PLCB1: variants seen among roughly 807,000 people sequenced by gnomAD.
The protein encoded by PLCB1 is phospholipase C beta 1, also known as 1-phosphatidylinositol 4,5-bisphosphate phosphodiesterase beta-1.
Under a neutral mutation model 161.8 loss-of-function variants are expected in PLCB1, and 46 were observed. The ratio of observed to expected loss-of-function variants is 0.28; its 90% CI spans 0.22 to 0.36. The LOEUF (loss-of-function observed/expected upper bound fraction) is 0.36, where lower values mean the gene tolerates loss of function less well. Among genes scored for constraint, PLCB1 ranks in the 10% least tolerant of loss-of-function variants. PLCB1 has a pLI of 1.00. For missense variants in PLCB1, 1,016 were observed against 1,472.5 expected (o/e 0.69, Z 5.07); for synonymous variants, 517 against 503.7 (o/e 1.03, Z -0.35).
At chr20:8,135,818 G>T (rs2122999341) in intron 1 of PLCB1, among the ~76,000 whole-genome samples, 1 of 152,302 alleles carries the variant, frequency 6.6e-6, no homozygotes, top group African/African-American at 2.4e-5. Context: ...AGCAGGCTCT[G>T]GTGGTAGGAG....
intron 2 of PLCB1, among the ~76,000 whole-genome samples, chr20:8,159,274 T>G (rs1448669097): frequency 6.6e-6 from 1 of 152,228 alleles, no homozygotes; most frequent in African/African-American, 2.4e-5. Flanking sequence ...GGCTTGGTGC[T>G]TGCACTTTCT....
chr20:8,813,134 A>C (rs955820463), intron 31 of PLCB1, among the ~76,000 whole-genome samples: 12 of 152,160 alleles, frequency 7.9e-5, no homozygotes, highest in Non-Finnish European at 7.4e-5. Context: ...GATGTTTGTA[A>C]TGAGGTGAAT....
intron 31 of PLCB1, among the ~76,000 whole-genome samples, chr20:8,811,609 G>C (rs1020447320): frequency 6.6e-5 from 10 of 152,284 alleles, no homozygotes; most frequent in African/African-American, 2.2e-4. Flanking sequence ...ATGTTAATGA[G>C]TATACAGCAT....
chr20:8,360,246 A>G (rs1986492881), intron 2 of PLCB1, among the ~76,000 whole-genome samples: 1 of 152,210 alleles, frequency 6.6e-6, no homozygotes. Context: ...TGAGTGAAGT[A>G]GCTCCAAGAA....
intron 2 of PLCB1, among the ~76,000 whole-genome samples, chr20:8,355,662 C>T (rs1207582641): frequency 1.3e-5 from 2 of 152,046 alleles, no homozygotes; most frequent in Non-Finnish European, 2.9e-5. Context: ...AGTTTGGTGG[C>T]GAATGAGCAA....
At chr20:8,861,159 T>C (rs1481413876) in intron 31 of PLCB1, among the ~76,000 whole-genome samples, 1 of 152,256 alleles carries the variant, frequency 6.6e-6, no homozygotes, top group Non-Finnish European at 1.5e-5. Context: ...AATCAGGTTA[T>C]ATGTCTTGAT....
intron 3 of PLCB1, among the ~76,000 whole-genome samples, chr20:8,441,940 A>G (rs1213536472): frequency 6.6e-6 from 1 of 152,222 alleles, no homozygotes; most frequent in South Asian, 2.1e-4. Context: ...AAAACAAGGA[A>G]TCCATTTTCA....
At chr20:8,645,997 G>A (rs1378058086) in intron 4 of PLCB1, 105 bp from the exon 5 acceptor site, 2 of 728,120 alleles carry the variant, frequency 2.7e-6, no homozygotes, top group Non-Finnish European at 2.4e-6. Context: ...AAAACCTTTG[G>A]CATGCACATT....
At chr20:8,807,650 A>G (rs535871881) in intron 31 of PLCB1, among the ~76,000 whole-genome samples, 1 of 151,934 alleles carries the variant, frequency 6.6e-6, no homozygotes, top group South Asian at 2.1e-4. Context: ...AAAAACACAG[A>G]TGCACCCTTT....
intron 3 of PLCB1, among the ~76,000 whole-genome samples, chr20:8,615,383 T>G (rs1988016033): frequency 6.6e-6 from 1 of 152,216 alleles, no homozygotes; most frequent in Non-Finnish European, 1.5e-5. Context: ...GATGCTTTTT[T>G]TGTTCCAAAT....
intron 2 of PLCB1, among the ~76,000 whole-genome samples, chr20:8,329,206 TAA>T (rs2122185414): frequency 6.6e-6 from 1 of 152,350 alleles, no homozygotes; most frequent in African/African-American, 2.4e-5. Context: ...AAAGATTTTT[TAA>T]AGTCTTATTT....
At chr20:8,518,229 G>A (rs1032180832) in intron 3 of PLCB1, among the ~76,000 whole-genome samples, 3 of 151,822 alleles carry the variant, frequency 2.0e-5, no homozygotes, top group Admixed American at 2.0e-4. Context: ...ATAGGTTCTC[G>A]CTCTGTCACC....
rs73591768 is a variant in PLCB1 at position 8,398,041 on chromosome 20, C to G, written c.246+26591C>G. Among the ~76,000 whole-genome samples, 491 of 152,056 alleles carry G rather than the reference C, an allele frequency of 3.2e-3. 6 individuals are homozygous for G. Among genetic ancestry groups the G allele is most frequent in the African/African-American group, 0.011 (473 of 41,482 alleles). On this transcript the variant is annotated intron_variant, in intron 3 of 31. Transcript: ENST00000338037. ...GTTTAGATTTTACCATTTTCTACCC[C>G]CCTTGCAGTGTATTACAGAATCTTT...
Position 8,657,192 on chromosome 20 carries a change from A to C in PLCB1, c.603A>C (p.Ser201=), listed in dbSNP as rs1387167288. The change falls in exon 8 of 32, where the codon TCA becomes TCC. Residue 201 remains serine, a synonymous_variant. Coordinates refer to ENST00000338037, the MANE Select transcript of PLCB1 (RefSeq NM_015192.4). ...GTTGTTTTATTTCCCAGAATGATTC[A>C]ATACCTCAAGAAGATTTCACTCCAG... ...ACSLPSSRND[S]IPQEDFTPEV... 1 of 1,595,894 alleles carries C rather than the reference A, an allele frequency of 6.3e-7. No homozygotes were observed. Among genetic ancestry groups the C allele is most frequent in the Non-Finnish European group, 8.6e-7 (1 of 1,164,020 alleles).
At chr20:8,397,287 A>G (rs1987795792) in intron 3 of PLCB1, among the ~76,000 whole-genome samples, 1 of 152,118 alleles carries the variant, frequency 6.6e-6, no homozygotes. Flanking sequence ...TTCACTAAGA[A>G]TATATACTCC....
intron 9 of PLCB1, among the ~76,000 whole-genome samples, chr20:8,673,385 C>A (rs1989997685): frequency 6.6e-6 from 1 of 152,182 alleles, no homozygotes; most frequent in Non-Finnish European, 1.5e-5. Flanking sequence ...GTCCCCTTTT[C>A]CAGTCTATTT....
intron 9 of PLCB1, among the ~76,000 whole-genome samples, chr20:8,662,057 A>ACAAT (rs1989655006): frequency 2.4e-4 from 3 of 12,404 alleles, no homozygotes; most frequent in South Asian, 2.6e-3. Context: ...ATATAATTAT[A>ACAAT]TATTTATTAT....
At chr20:8,186,913 G>A (rs2051912323) in intron 2 of PLCB1, among the ~76,000 whole-genome samples, 2 of 152,128 alleles carry the variant, frequency 1.3e-5, no homozygotes, top group South Asian at 4.1e-4. Flanking sequence ...CTAGGAACAG[G>A]CATGCCTTAA....
At chr20:8,274,149 C>T (rs1294010341) in intron 2 of PLCB1, among the ~76,000 whole-genome samples, 1 of 151,872 alleles carries the variant, frequency 6.6e-6, no homozygotes, top group Non-Finnish European at 1.5e-5. Context: ...TTTTTTAAAG[C>T]GTGTCATTGT....
Sources: allele counts gnomAD v4.1 joint callset (sites outside exome capture counted in the v4.1 genomes callset), GRCh38; gene constraint gnomAD v4.1.1; transcripts MANE v1.5; gene names NCBI Gene and HGNC (gene_info 2026-07-23, HGNC 2026-07-21).